The following LIN54 variants were observed in gnomAD, a reference collection of about 807,000 sequenced individuals.
LIN54 encodes lin-54 DREAM MuvB core complex component.
A neutral mutation model predicts 78.7 loss-of-function variants in LIN54; 9 were observed. The ratio of observed to expected loss-of-function variants is 0.11; its 90% CI spans 0.07 to 0.20. The LOEUF (loss-of-function observed/expected upper bound fraction) is 0.20. LIN54 is among the 10% of genes least tolerant of loss of function. The probability of loss-of-function intolerance (pLI) is 1.00; values close to 1 mark genes in which losing one functional copy is unlikely to be tolerated. For synonymous variants in LIN54, 269 were observed against 318.4 expected (o/e 0.84, Z 1.65); for missense variants, 573 against 889.9 (o/e 0.64, Z 4.53).
chr4:82,933,427 C>T (rs1160700557), intron 11 of LIN54, among the ~76,000 whole-genome samples: 3 of 149,322 alleles, frequency 2.0e-5, no homozygotes, highest in African/African-American at 7.4e-5. Flanking sequence ...CAAGAAAAGA[C>T]ACAGCCATGA....
chr4:82,978,970 C>G lies in LIN54; in HGVS notation c.721G>C (p.Val241Leu). 1 of 1,593,710 alleles carries G rather than the reference C, an allele frequency of 6.3e-7. No homozygotes were observed. Among genetic ancestry groups the G allele is most frequent in the Non-Finnish European group, 8.6e-7 (1 of 1,165,678 alleles). The change falls in exon 3 of 13, where the codon GTA (valine) becomes CTA (leucine). Residue 241 changes from valine to leucine, a missense_variant. By Grantham distance (32) the Val-to-Leu change is conservative. Coordinates refer to ENST00000340417, the MANE Select transcript of LIN54 (RefSeq NM_194282.4). ...TTTGCAAAGATCAGCTTCGTGATTA[C>G]TGGACCAGAGGTTGGCGTTCGAGGC... The part of the protein sequence containing the change: ...KKPRTPTSGP[V>L]ITKLIFAKPI...
At chr4:83,006,501 G>A (rs1475083515) in intron 1 of LIN54, among the ~76,000 whole-genome samples, 1 of 150,880 alleles carries the variant, frequency 6.6e-6, no homozygotes, top group Non-Finnish European at 1.5e-5. Flanking sequence ...ACTATGCTCG[G>A]TGCCTGGGTG....
intron 11 of LIN54, among the ~76,000 whole-genome samples, chr4:82,933,368 T>C (rs936224443): frequency 6.6e-5 from 10 of 150,826 alleles, no homozygotes; most frequent in Non-Finnish European, 1.5e-4. Flanking sequence ...CGAATTTAAC[T>C]TCCCCTATAC....
chr4:82,946,540 T>C, intron 4 of LIN54, 66 bp from the exon 5 acceptor site: 3 of 1,263,568 alleles, frequency 2.4e-6, no homozygotes, highest in Middle Eastern at 2.4e-4. Context: ...TTTTAATTTA[T>C]AACCATTGCT....
At chr4:82,944,169 C>T (rs1723169020) in intron 5 of LIN54, among the ~76,000 whole-genome samples, 1 of 152,140 alleles carries the variant, frequency 6.6e-6, no homozygotes, top group Admixed American at 6.5e-5. Context: ...CCATGCCCAG[C>T]CAATACTCTA....
chr4:83,009,288 A>C (rs1729663739), intron 1 of LIN54, among the ~76,000 whole-genome samples: 1 of 152,230 alleles, frequency 6.6e-6, no homozygotes, highest in African/African-American at 2.4e-5. Flanking sequence ...GACAATTTGA[A>C]TAAGGAAATA....
intron 1 of LIN54, among the ~76,000 whole-genome samples, chr4:83,005,951 T>A (rs1349922187): frequency 6.6e-6 from 1 of 151,930 alleles, no homozygotes; most frequent in Non-Finnish European, 1.5e-5. Context: ...TACGTAGCCA[T>A]AAAAAAAGAA....
intron 4 of LIN54, among the ~76,000 whole-genome samples, chr4:82,947,226 TATATA>T (rs1560733324): frequency 1.1e-3 from 31 of 28,172 alleles, no homozygotes; most frequent in African/African-American, 3.5e-3. Context: ...TATATATATA[TATATA>T]TATATTTTTT....
intron 7 of LIN54, among the ~76,000 whole-genome samples, chr4:82,939,116 C>CT (rs1187397306): frequency 6.6e-6 from 1 of 152,202 alleles, no homozygotes. Flanking sequence ...GATATGTCAC[C>CT]TGGAAATGCA....
At position 82,937,289 on chromosome 4, in the gene LIN54, T is replaced by G. The variant is rs540810389; in HGVS notation, c.1542A>C (p.Pro514=). The stretch of plus-strand genomic sequence containing the variant: ...TTCGGGGCCGACTGGCCGACTCTGA[T>G]GGGATTATGCTGTACAGATAGAAAA... ...QARLPFNGII[P]SESASRPRKP... Residue 514 remains proline, a synonymous_variant, in exon 9 of 13, where the codon CCA becomes CCC. Transcript: ENST00000340417. 1 of 1,592,842 alleles carries G rather than the reference T, an allele frequency of 6.3e-7. No homozygotes were observed. Among genetic ancestry groups the G allele is most frequent in the Admixed American group, 1.7e-5 (1 of 59,970 alleles).
chr4:82,938,232 A>G (rs1722546129), intron 8 of LIN54, among the ~76,000 whole-genome samples, 181 bp downstream of exon 8: 1 of 152,234 alleles, frequency 6.6e-6, no homozygotes, highest in South Asian at 2.1e-4. Context: ...TGAATAGAGT[A>G]TTTGGGAATT....
intron 10 of LIN54, 42 bp from the exon 11 acceptor site, chr4:82,936,160 T>G: frequency 6.2e-7 from 1 of 1,609,886 alleles, no homozygotes; most frequent in Admixed American, 1.7e-5. Flanking sequence ...TAAATCACAG[T>G]AGATGAAATT....
chr4:82,975,071 C>G (rs10011106), intron 3 of LIN54, among the ~76,000 whole-genome samples: 97,417 of 151,958 alleles, frequency 0.64, 33,181 homozygotes, highest in Admixed American at 0.76. Context: ...AAACAGTTAA[C>G]ATGAGGCTGG....
At chr4:82,962,095 A>T (rs567376369) in intron 4 of LIN54, among the ~76,000 whole-genome samples, 57 of 152,030 alleles carry the variant, frequency 3.7e-4, no homozygotes, top group Non-Finnish European at 7.8e-4. Flanking sequence ...ACCTAACCCT[A>T]ATTTCTTTTT....
intron 2 of LIN54, among the ~76,000 whole-genome samples, chr4:82,983,243 A>G (rs1037522664): frequency 2.0e-5 from 3 of 152,048 alleles, no homozygotes; most frequent in African/African-American, 7.2e-5. Context: ...TCCTGACCTC[A>G]GGTGATCCGC....
At chr4:82,994,433 T>A in intron 1 of LIN54, among the ~76,000 whole-genome samples, 1 of 151,860 alleles carries the variant, frequency 6.6e-6, no homozygotes, top group East Asian at 1.9e-4. Context: ...AGTCTTGCCC[T>A]GTCACCCATG....
At position 82,958,497 on chromosome 4, in the gene LIN54, G is replaced by C. The variant is rs528472490; in HGVS notation, c.951+11830C>G. Among the ~76,000 whole-genome samples, 4 of 152,180 alleles carry C rather than the reference G, an allele frequency of 2.6e-5. No homozygotes were observed. In the South Asian group the frequency reaches 8.3e-4, roughly 32 times the overall value. ...CACTGGAATGGCAATAACCATCAGG[G>C]AGACTGGAAATATCACTTATCCAAC... On this transcript the variant is annotated intron_variant, in intron 4 of 12. Transcript: ENST00000340417.
rs565728994 is a variant in LIN54 at position 82,977,536 on chromosome 4, T to A, written c.808+1347A>T. Among the ~76,000 whole-genome samples, 8 of 152,292 alleles carry A rather than the reference T, an allele frequency of 5.3e-5. 1 individual carries two copies. In the South Asian group the frequency reaches 1.7e-3, roughly 32 times the overall value. On this transcript the variant is annotated intron_variant, in intron 3 of 12. Transcript: ENST00000340417. ...TTCTCATTAGCTAAAATGAGAAGCC[T>A]CTCTACATACAAATACAAATCAAGC...
intron 4 of LIN54, among the ~76,000 whole-genome samples, chr4:82,969,629 G>T (rs1725484125): frequency 6.6e-6 from 1 of 152,180 alleles, no homozygotes; most frequent in African/African-American, 2.4e-5. Context: ...ACAAATCAAA[G>T]AAAGCAGGTG....
Sources: allele counts gnomAD v4.1 joint callset (sites outside exome capture counted in the v4.1 genomes callset), GRCh38; gene constraint gnomAD v4.1.1; transcripts MANE v1.5; gene names NCBI Gene and HGNC (gene_info 2026-07-23, HGNC 2026-07-21).